The following ROBO2 variants were observed in gnomAD, a reference collection of about 807,000 sequenced individuals.
ROBO2 encodes roundabout guidance receptor 2.
ROBO2 carries 53 observed loss-of-function variants against 160.8 expected under a neutral mutation model. The observed-to-expected ratio is 0.33, with a 90% CI of 0.26 to 0.41. The LOEUF (loss-of-function observed/expected upper bound fraction) is 0.41. Among genes scored for constraint, ROBO2 ranks in the 10% least tolerant of loss-of-function variants. ROBO2 has a pLI of 1.00. For synonymous variants in ROBO2, 664 were observed against 611.7 expected (o/e 1.09, Z -1.26); for missense variants, 1,577 against 1,722.4 (o/e 0.92, Z 1.49).
At chr3:76,817,180 G>T (rs150913830) in intron 2 of ROBO2, among the ~76,000 whole-genome samples, 74 of 152,102 alleles carry the variant, frequency 4.9e-4, no homozygotes, top group African/African-American at 1.8e-3. Context: ...AAACCTGCAT[G>T]TTCTGCATGT....
intron 2 of ROBO2, among the ~76,000 whole-genome samples, chr3:76,397,228 A>T (rs2077511044): frequency 3.3e-5 from 5 of 152,190 alleles, no homozygotes; most frequent in African/African-American, 1.2e-4. Context: ...TGGGGAAAGG[A>T]TTCCCTATTT....
intron 2 of ROBO2, among the ~76,000 whole-genome samples, chr3:76,818,391 A>G (rs970969279): frequency 6.6e-6 from 1 of 151,822 alleles, no homozygotes; most frequent in Non-Finnish European, 1.5e-5. Flanking sequence ...GATTCTGGAT[A>G]TTAGTCCTTT....
intron 2 of ROBO2, among the ~76,000 whole-genome samples, chr3:76,580,342 G>GTTTTTTTTTTTT (rs71101901): frequency 3.5e-3 from 316 of 90,462 alleles, no homozygotes; most frequent in Middle Eastern, 0.019. Context: ...TTTTTTTTGT[G>GTTTTTTTTTTTT]TTTTTTTTTT....
intron 2 of ROBO2, among the ~76,000 whole-genome samples, chr3:76,585,962 T>G (rs1161611816): frequency 6.6e-6 from 1 of 152,178 alleles, no homozygotes; most frequent in African/African-American, 2.4e-5. Flanking sequence ...TTCTCAAAAC[T>G]TTATTACTCT....
chr3:77,011,315 A>T (rs1021180277), intron 2 of ROBO2, among the ~76,000 whole-genome samples: 3 of 152,184 alleles, frequency 2.0e-5, no homozygotes, highest in African/African-American at 7.2e-5. Context: ...GGCCTTCAAT[A>T]AATACGTCAA....
intron 2 of ROBO2, among the ~76,000 whole-genome samples, chr3:76,188,518 G>A (rs185039024): frequency 3.9e-5 from 6 of 152,082 alleles, no homozygotes; most frequent in African/African-American, 9.6e-5. Flanking sequence ...GGGATATGAT[G>A]CTGCTGACAC....
At chr3:77,442,258 G>A (rs1382427637) in intron 2 of ROBO2, among the ~76,000 whole-genome samples, 1 of 151,988 alleles carries the variant, frequency 6.6e-6, no homozygotes, top group Non-Finnish European at 1.5e-5. Flanking sequence ...TTTGCAGTGA[G>A]CTGAGATCGC....
intron 2 of ROBO2, among the ~76,000 whole-genome samples, chr3:77,231,253 C>T (rs995916507): frequency 2.7e-5 from 4 of 150,448 alleles, no homozygotes; most frequent in Non-Finnish European, 4.4e-5. Context: ...ATTCCAGCTA[C>T]TCTGGAGGCT....
At chr3:77,060,748 A>G (rs776453999) in intron 1 of ROBO2, among the ~76,000 whole-genome samples, 1 of 152,164 alleles carries the variant, frequency 6.6e-6, no homozygotes, top group Non-Finnish European at 1.5e-5. Context: ...CAAAGTTATC[A>G]CAGAAGCAAA....
chr3:77,581,787 G>C (rs1490493014), intron 16 of ROBO2, among the ~76,000 whole-genome samples: 1 of 152,022 alleles, frequency 6.6e-6, no homozygotes, highest in Non-Finnish European at 1.5e-5. Context: ...TTATTTGTTA[G>C]TATTATCAGG....
exon 1 of ROBO2, chr3:77,040,293 C>T (rs936468469): frequency 1.0e-6 from 1 of 994,506 alleles, no homozygotes; most frequent in Non-Finnish European, 1.2e-6. Context: ...AAAATAACTC[C>T]GGACGTGGAG....
rs56058203 is a variant in ROBO2 at position 75,907,852 on chromosome 3, CGTGTGTGTGT to C, written c.-14+913_-14+922del. On this transcript the variant is annotated intron_variant, in intron 1 of 26. Coordinates refer to the ROBO2 transcript ENST00000487694. ...TTGCTTCATTTTTTTTAATCGTGTG[CGTGTGTGTGT>C]GTGTGTGTGTGTGTGTGTGTATCAG... 1.6e-3 allele frequency among the ~76,000 whole-genome samples: 243 copies of C among 148,672 alleles called. 2 individuals are homozygous for C. The highest frequency in any genetic ancestry group is 2.0e-3 in the Non-Finnish European group (137 of 67,336).
At chr3:76,167,246 C>T (rs1321676584) in intron 2 of ROBO2, among the ~76,000 whole-genome samples, 1 of 152,108 alleles carries the variant, frequency 6.6e-6, no homozygotes, top group Non-Finnish European at 1.5e-5. Flanking sequence ...TGGGGTTACA[C>T]TTGAATTTTA....
chr3:77,486,413 C>T (rs2085359136), intron 4 of ROBO2, among the ~76,000 whole-genome samples: 1 of 152,180 alleles, frequency 6.6e-6, no homozygotes, highest in African/African-American at 2.4e-5. Flanking sequence ...TTCTCTGCGA[C>T]CTCACCAGCA....
chr3:76,128,271 T>C (rs1211132250), intron 2 of ROBO2, among the ~76,000 whole-genome samples: 1 of 152,078 alleles, frequency 6.6e-6, no homozygotes, highest in Non-Finnish European at 1.5e-5. Context: ...ATGGGCCCTG[T>C]ATTTGACTAG....
At chr3:76,000,804 T>G (rs1326014966) in intron 2 of ROBO2, among the ~76,000 whole-genome samples, 1 of 152,160 alleles carries the variant, frequency 6.6e-6, no homozygotes, top group Admixed American at 6.5e-5. Context: ...TAATGAGATA[T>G]TAATATCACT....
intron 2 of ROBO2, among the ~76,000 whole-genome samples, chr3:77,101,901 A>G (rs12635870): frequency 0.31 from 46,763 of 151,886 alleles, 7,508 homozygotes; most frequent in East Asian, 0.53. Flanking sequence ...TTAGCCAGGT[A>G]TGGTGGCTGG....
chr3:76,224,277 T>A (rs536543162), intron 2 of ROBO2, among the ~76,000 whole-genome samples: 29 of 152,176 alleles, frequency 1.9e-4, no homozygotes, highest in Non-Finnish European at 5.9e-5. Flanking sequence ...TGTAATTCAG[T>A]CTGAAGATCT....
At chr3:76,834,861 A>G (rs1272030322) in intron 2 of ROBO2, among the ~76,000 whole-genome samples, 1 of 152,176 alleles carries the variant, frequency 6.6e-6, no homozygotes, top group Non-Finnish European at 1.5e-5. Flanking sequence ...TTCTTGAGGC[A>G]ACCCAATTGT....
Sources: gnomAD v4.1 joint callset for allele counts (sites outside exome capture counted in the v4.1 genomes callset) on GRCh38, gnomAD v4.1.1 for gene constraint, MANE v1.5 for transcripts, NCBI Gene and HGNC (gene_info 2026-07-23, HGNC 2026-07-21) for gene names.